LDAH: variants seen among roughly 807,000 people sequenced by gnomAD.
The protein encoded by LDAH is lipid droplet associated hydrolase, also known as lipid droplet-associated hydrolase.
A neutral mutation model predicts 29.6 loss-of-function variants in LDAH; 26 were observed. The observed-to-expected ratio is 0.88, with a 90% CI of 0.64 to 1.22. LDAH has a LOEUF of 1.22. Ranked by LOEUF, LDAH falls within the 50% of genes most tolerant of loss-of-function variation. LDAH has a pLI of 0.00. For missense variants in LDAH, 344 were observed against 387.3 expected, an observed-to-expected ratio of 0.89 and a Z score of 0.94; for synonymous variants, 117 against 133.0, an observed-to-expected ratio of 0.88 and a Z score of 0.83.
chr2:20,720,225 C>A (rs1222528009), intron 5 of LDAH, among the ~76,000 whole-genome samples: 1 of 151,942 alleles, frequency 6.6e-6, no homozygotes, highest in African/African-American at 2.4e-5. Context: ...AAGACTCCAT[C>A]AAAAAACTCT....
chr2:20,804,866 C>A (rs945294960), intron 1 of LDAH, among the ~76,000 whole-genome samples: 1 of 152,124 alleles, frequency 6.6e-6, no homozygotes, highest in Non-Finnish European at 1.5e-5. Flanking sequence ...AATAAAGTAT[C>A]ACTTCATATT....
chr2:20,720,629 T>C (rs955247727), intron 5 of LDAH, among the ~76,000 whole-genome samples: 1 of 152,032 alleles, frequency 6.6e-6, no homozygotes, highest in African/African-American at 2.4e-5. Context: ...ATCCTAAAAT[T>C]TGTATGGAAT....
At chr2:20,789,216 T>G (rs1670765078) in intron 3 of LDAH, 6 of 1,550,482 alleles carry the variant, frequency 3.9e-6, no homozygotes, top group Non-Finnish European at 5.2e-6. Context: ...CAAATGCTAT[T>G]AAGAGGTGGA....
intron 5 of LDAH, among the ~76,000 whole-genome samples, chr2:20,703,685 TC>T (rs910434229): frequency 6.6e-6 from 1 of 152,204 alleles, no homozygotes; most frequent in African/African-American, 2.4e-5. Flanking sequence ...AGTCAATTCT[TC>T]CTGGAGACCT....
intron 3 of LDAH, among the ~76,000 whole-genome samples, chr2:20,782,513 T>G (rs1051641913): frequency 1.3e-5 from 2 of 152,236 alleles, no homozygotes; most frequent in African/African-American, 4.8e-5. Context: ...TTATTCAGCT[T>G]TGGTGGTTTA....
chr2:20,815,635 T>C (rs1449015369), intron 1 of LDAH, among the ~76,000 whole-genome samples: 2 of 152,060 alleles, frequency 1.3e-5, no homozygotes, highest in Non-Finnish European at 2.9e-5. Flanking sequence ...ATTTTTCAAA[T>C]GTTAAAGAAA....
intron 3 of LDAH, 35 bp from the exon 4 acceptor site, chr2:20,775,014 TA>T (rs1558466639): frequency 6.5e-7 from 1 of 1,533,558 alleles, no homozygotes; most frequent in Non-Finnish European, 8.9e-7. Context: ...TTTCATTAAG[TA>T]AAAGTAATCA....
intron 2 of LDAH, among the ~76,000 whole-genome samples, chr2:20,797,901 T>C (rs1003796073): frequency 6.6e-6 from 1 of 152,174 alleles, no homozygotes; most frequent in African/African-American, 2.4e-5. Context: ...AAAACCCAAG[T>C]ACCTTGTATG....
chr2:20,745,185 G>A (rs75706072), intron 4 of LDAH, among the ~76,000 whole-genome samples: 2,067 of 152,184 alleles, frequency 0.014, 26 homozygotes, highest in Non-Finnish European at 0.021. Flanking sequence ...TAGAAACACT[G>A]GGTCATATAG....
At position 20,791,988 on chromosome 2, in the gene LDAH, A is replaced by AT. The variant is rs937163618; in HGVS notation, c.155-1591dup. Among the ~76,000 whole-genome samples the AT allele has an allele frequency of 3.2e-4, 48 of 150,482 alleles. 1 individual carries two copies. Among genetic ancestry groups the AT allele is most frequent in the East Asian group, 1.9e-4 (1 of 5,132 alleles). ...AGGACCATACTGTCTTAATTACTAC[A>AT]TTTTTTTTTAAGTGTTAACAGGTAG... is the stretch of plus-strand genomic sequence containing the variant. On this transcript the variant is annotated intron_variant, in intron 2 of 6. Coordinates refer to ENST00000237822, the MANE Select transcript of LDAH (RefSeq NM_021925.4).
At chr2:20,793,665 G>T (rs998899611) in intron 2 of LDAH, among the ~76,000 whole-genome samples, 1 of 152,020 alleles carries the variant, frequency 6.6e-6, no homozygotes, top group Non-Finnish European at 1.5e-5. Context: ...ATTGAGCAGG[G>T]TTAAGGCATA....
intron 3 of LDAH, among the ~76,000 whole-genome samples, chr2:20,788,215 G>A (rs934145770): frequency 6.6e-6 from 1 of 152,082 alleles, no homozygotes; most frequent in Non-Finnish European, 1.5e-5. Context: ...CAGCTAAAGG[G>A]TCAGTTGCAA....
intron 3 of LDAH, among the ~76,000 whole-genome samples, chr2:20,776,053 T>C (rs1251914773): frequency 6.6e-6 from 1 of 152,106 alleles, no homozygotes; most frequent in African/African-American, 2.4e-5. Context: ...AATGACAGGG[T>C]GTAATATTTC....
At chr2:20,800,703 G>A (rs1252988391) in intron 2 of LDAH, among the ~76,000 whole-genome samples, 2 of 151,942 alleles carry the variant, frequency 1.3e-5, no homozygotes, top group Non-Finnish European at 2.9e-5. Context: ...GTGTGATCTG[G>A]GGGCAATGCA....
intron 1 of LDAH, among the ~76,000 whole-genome samples, chr2:20,809,680 T>C (rs1672336769): frequency 6.6e-6 from 1 of 152,088 alleles, no homozygotes; most frequent in African/African-American, 2.4e-5. Context: ...GACAACTCAA[T>C]AGAAAAATGA....
intron 1 of LDAH, 31 bp from the exon 2 acceptor site, chr2:20,801,496 G>A: frequency 6.3e-7 from 1 of 1,588,340 alleles, no homozygotes; most frequent in Non-Finnish European, 8.6e-7. Flanking sequence ...AGTATGAAGA[G>A]TCAGTAAAAT....
At chr2:20,754,071 G>T (rs1239561182) in intron 4 of LDAH, among the ~76,000 whole-genome samples, 1 of 152,152 alleles carries the variant, frequency 6.6e-6, no homozygotes, top group Non-Finnish European at 1.5e-5. Flanking sequence ...TCTTGGTAAA[G>T]ATTGGATCAG....
chr2:20,717,547 G>A (rs11896225), intron 5 of LDAH, among the ~76,000 whole-genome samples: 2,724 of 152,304 alleles, frequency 0.018, 78 homozygotes, highest in African/African-American at 0.062. Context: ...ATATGCTGGA[G>A]TGCCAAATGG....
At chr2:20,769,372 C>T (rs912223967) in intron 4 of LDAH, among the ~76,000 whole-genome samples, 7 of 152,170 alleles carry the variant, frequency 4.6e-5, no homozygotes, top group Non-Finnish European at 1.0e-4. Context: ...AGGATTCTGA[C>T]AAAATTTACT....
Sources: allele counts gnomAD v4.1 joint callset (sites outside exome capture counted in the v4.1 genomes callset), GRCh38; gene constraint gnomAD v4.1.1; transcripts MANE v1.5; gene names NCBI Gene and HGNC (gene_info 2026-07-23, HGNC 2026-07-21).